Variants in KLHDC10 observed in about 807,000 individuals in gnomAD.
The protein encoded by KLHDC10 is kelch domain containing 10, also known as kelch domain-containing protein 10.
Under a neutral mutation model 56.1 loss-of-function variants are expected in KLHDC10, and 24 were observed. The observed-to-expected ratio is 0.43, with a 90% CI of 0.31 to 0.60. The LOEUF is 0.60. KLHDC10 is among the 20% of genes least tolerant of loss of function. The pLI, the probability that KLHDC10 is intolerant of heterozygous loss-of-function variation, is 0.11. For synonymous variants in KLHDC10, 188 were observed against 207.1 expected (o/e 0.91, Z 0.79); for missense variants, 349 against 567.0 (o/e 0.62, Z 3.91).
intron 7 of KLHDC10, among the ~76,000 whole-genome samples, chr7:130,126,286 C>T (rs1796315158): frequency 6.6e-6 from 1 of 152,196 alleles, no homozygotes; most frequent in Non-Finnish European, 1.5e-5. Context: ...CCACTACTCT[C>T]CAGCCTGGGC....
chr7:130,095,817 A>T (rs186109007), intron 1 of KLHDC10, among the ~76,000 whole-genome samples: 4 of 152,354 alleles, frequency 2.6e-5, no homozygotes, highest in Admixed American at 6.5e-5. Context: ...TTTTAGAGTC[A>T]GAAGGCCTCA....
chr7:130,084,207 A>T (rs117407178), intron 1 of KLHDC10, among the ~76,000 whole-genome samples: 1 of 152,176 alleles, frequency 6.6e-6, no homozygotes, highest in South Asian at 2.1e-4. Context: ...AAGGGTAACT[A>T]TTGGGTAATT....
chr7:130,075,902 G>C lies in KLHDC10; in HGVS notation c.166+5093G>C, dbSNP rs534867195. ...AGGTAGATAAAAGAGCCATTTATTT[G>C]TTTCCTTTATCTATAGATCTGTTTA... is the stretch of plus-strand genomic sequence containing the variant. On this transcript the variant is annotated intron_variant, in intron 1 of 9. Coordinates refer to ENST00000335420, the MANE Select transcript of KLHDC10 (RefSeq NM_014997.4). Among the ~76,000 whole-genome samples the C allele has an allele frequency of 1.5e-3, 223 of 152,116 alleles. 1 individual carries two copies. The highest frequency in any genetic ancestry group is 5.0e-3 in the African/African-American group (208 of 41,504).
chr7:130,128,778 G>T (rs1468754487), intron 8 of KLHDC10, among the ~76,000 whole-genome samples: 1 of 149,706 alleles, frequency 6.7e-6, no homozygotes, highest in African/African-American at 2.5e-5. Flanking sequence ...GGTGGCTCAT[G>T]CCTGTAATCC....
chr7:130,080,773 C>T (rs1345832444), intron 1 of KLHDC10, among the ~76,000 whole-genome samples: 1 of 152,014 alleles, frequency 6.6e-6, no homozygotes, highest in African/African-American at 2.4e-5. Context: ...TTATGTTATC[C>T]TAGAAAATCA....
At position 130,124,350 on chromosome 7, in the gene KLHDC10, CTTA is replaced by C; in HGVS notation, c.780-98_780-96del. 6 of 682,962 alleles carry C rather than the reference CTTA, an allele frequency of 8.8e-6. No individual in the cohort carries two copies. In the South Asian group the frequency reaches 9.3e-5, roughly 11 times the overall value. 42.3% of individuals were successfully genotyped at this position (682,962 alleles called of 1,614,324 possible). A position where few individuals can be genotyped will look rare whatever the true frequency, so the allele number is the denominator to read the frequency against. On this transcript the variant is annotated intron_variant, in intron 5 of 9. Transcript: ENST00000335420. ...TAAACGCCTAGGTTATTTCCAATAA[CTTA>C]TTGTTATAAATAATGATGTAATAAA... is the stretch of plus-strand genomic sequence containing the variant.
At position 130,120,068 on chromosome 7, in the gene KLHDC10, A is replaced by G. The variant is rs1796228961; in HGVS notation, c.476-681A>G. 6.6e-6 allele frequency among the ~76,000 whole-genome samples: 1 copy of G among 152,192 alleles called. No individual in the cohort carries two copies. Among genetic ancestry groups the G allele is most frequent in the Non-Finnish European group, 1.5e-5 (1 of 68,034 alleles). Reference sequence around the variant, plus strand: ...ATCTGGTAGAGGATTAAAATGACAGAAACCATAATTGTAAATTTAGAAATC... The same window carrying G: ...ATCTGGTAGAGGATTAAAATGACAGGAACCATAATTGTAAATTTAGAAATC... On this transcript the variant is annotated intron_variant, in intron 3 of 9. Coordinates refer to ENST00000335420, the MANE Select transcript of KLHDC10 (RefSeq NM_014997.4). This position sits in a 1 kb window ranked among gnomAD's most constrained non-coding sequence, Gnocchi z 5.1.
At chr7:130,107,514 AAAAACAAT>A (rs908918836) in intron 2 of KLHDC10, among the ~76,000 whole-genome samples, 1 of 151,986 alleles carries the variant, frequency 6.6e-6, no homozygotes, top group Non-Finnish European at 1.5e-5. Context: ...TTAGAAATAA[AAAAACAAT>A]AAAACAATGA....
intron 6 of KLHDC10, among the ~76,000 whole-genome samples, chr7:130,125,233 G>A (rs201005957): frequency 1.2e-4 from 19 of 152,136 alleles, no homozygotes; most frequent in East Asian, 1.2e-3. Context: ...CTTTTTCTTC[G>A]TTTTTTTCTG....
At chr7:130,121,099 CCTTT>C (rs1236634221) in intron 4 of KLHDC10, among the ~76,000 whole-genome samples, 196 bp downstream of exon 4, 1 of 149,598 alleles carries the variant, frequency 6.7e-6, no homozygotes, top group African/African-American at 2.4e-5. Flanking sequence ...CTTTTCTCTT[CCTTT>C]CTTTTCTTTT....
chr7:130,094,863 A>C (rs922073884), intron 1 of KLHDC10: 5 of 152,152 alleles, frequency 3.3e-5, no homozygotes, highest in African/African-American at 1.2e-4. Flanking sequence ...TTGTCCATAC[A>C]TCTTTCCATG....
chr7:130,107,843 CAAAAA>C lies in KLHDC10; in HGVS notation c.254-8582_254-8578del, dbSNP rs3043725. On this transcript the variant is annotated intron_variant, in intron 2 of 9. Transcript: ENST00000335420. Reference sequence around the variant, plus strand: ...TGGGCGACAGAGTGGGACTCCGTCTCAAAAAAAAAAAAAAAAAAAAAAAAGAGCCG... The same window carrying C: ...TGGGCGACAGAGTGGGACTCCGTCTCAAAAAAAAAAAAAAAAAAAGAGCCG... 7.3e-4 allele frequency among the ~76,000 whole-genome samples: 19 copies of C among 26,036 alleles called. No homozygotes were observed. The South Asian group carries it at 0.024, about 32-fold the overall frequency. 17.1% of individuals were successfully genotyped at this position (26,036 alleles called of 152,430 possible).
intron 5 of KLHDC10, among the ~76,000 whole-genome samples, chr7:130,123,121 T>C (rs1584639134): frequency 6.6e-6 from 1 of 152,206 alleles, no homozygotes; most frequent in East Asian, 1.9e-4. Flanking sequence ...TCTAGTTGCC[T>C]TCTAGTAGCA....
intron 1 of KLHDC10, among the ~76,000 whole-genome samples, chr7:130,086,517 C>T (rs1046855278): frequency 5.6e-4 from 85 of 152,188 alleles, no homozygotes; most frequent in African/African-American, 2.0e-3. Flanking sequence ...AGTTTCTGGT[C>T]TGTCTTTCCA....
At chr7:130,101,546 C>T (rs1190258012) in intron 2 of KLHDC10, among the ~76,000 whole-genome samples, 1 of 152,116 alleles carries the variant, frequency 6.6e-6, no homozygotes, top group Non-Finnish European at 1.5e-5. Flanking sequence ...TTCCCCTACT[C>T]CTTCTCTCCC....
At chr7:130,074,403 A>G (rs546314968) in intron 1 of KLHDC10, among the ~76,000 whole-genome samples, 22 of 152,174 alleles carry the variant, frequency 1.4e-4, no homozygotes, top group African/African-American at 5.3e-4. Context: ...TGATTCCTTG[A>G]TATGCATGAT....
intron 2 of KLHDC10, among the ~76,000 whole-genome samples, chr7:130,098,833 T>C (rs1439953569): frequency 6.6e-6 from 1 of 152,170 alleles, no homozygotes; most frequent in Non-Finnish European, 1.5e-5. Flanking sequence ...TTTTATTTTC[T>C]TTTGTATGGT....
chr7:130,080,395 ACTT>A (rs1795587181), intron 1 of KLHDC10, among the ~76,000 whole-genome samples: 1 of 151,854 alleles, frequency 6.6e-6, no homozygotes, highest in Admixed American at 6.6e-5. Flanking sequence ...ATTATATCAT[ACTT>A]CTTAGTTTTT....
At chr7:130,070,850 A>T (rs752144365) in intron 1 of KLHDC10, 41 bp downstream of exon 1, 1 of 1,278,570 alleles carries the variant, frequency 7.8e-7, no homozygotes, top group South Asian at 3.2e-5. Context: ...GCGGGCGGGA[A>T]GGTGACTGCT....
Sources: allele counts gnomAD v4.1 joint callset (sites outside exome capture counted in the v4.1 genomes callset), GRCh38; gene constraint gnomAD v4.1.1; non-coding constraint Gnocchi (gnomAD v3.1); transcripts MANE v1.5; gene names NCBI Gene and HGNC (gene_info 2026-07-23, HGNC 2026-07-21).